PCDH9: variants seen among roughly 807,000 people sequenced by gnomAD.
PCDH9 encodes protocadherin-9.
Under a neutral mutation model 70.6 loss-of-function variants are expected in PCDH9, and 24 were observed. The observed-to-expected ratio is 0.34, with a 90% confidence interval of 0.25 to 0.48. PCDH9 has a LOEUF of 0.48. Ranked by LOEUF, PCDH9 falls within the 20% of genes least tolerant of loss-of-function variation. The pLI, the probability that PCDH9 is intolerant of heterozygous loss-of-function variation, is 0.99. For missense variants in PCDH9, 1,281 were observed against 1,503.6 expected (o/e 0.85, Z 2.45); for synonymous variants, 562 against 558.5 (o/e 1.01, Z -0.09).
At chr13:66,352,129 C>T (rs1956302851) in intron 4 of PCDH9, among the ~76,000 whole-genome samples, 1 of 152,200 alleles carries the variant, frequency 6.6e-6, no homozygotes, top group Non-Finnish European at 1.5e-5. Flanking sequence ...AGCCACCGTG[C>T]CCGGCCTACA....
chr13:66,731,177 A>C (rs1196144215), intron 3 of PCDH9, among the ~76,000 whole-genome samples: 1 of 152,032 alleles, frequency 6.6e-6, no homozygotes, highest in Admixed American at 6.6e-5. Context: ...AAATGATGAC[A>C]ATCAGAGGCA....
chr13:66,935,075 T>A (rs2082893639), intron 2 of PCDH9, among the ~76,000 whole-genome samples: 2 of 151,930 alleles, frequency 1.3e-5, no homozygotes, highest in South Asian at 4.2e-4. Flanking sequence ...ATTATTAATA[T>A]TTTTTGGAGA....
chr13:67,147,266 G>A (rs1400296464), intron 2 of PCDH9, among the ~76,000 whole-genome samples: 1 of 152,096 alleles, frequency 6.6e-6, no homozygotes, highest in Non-Finnish European at 1.5e-5. Context: ...TTTTTCAAAT[G>A]AGAGATAATT....
chr13:66,361,183 T>A (rs975850934), intron 4 of PCDH9, among the ~76,000 whole-genome samples: 1 of 152,106 alleles, frequency 6.6e-6, no homozygotes, highest in Non-Finnish European at 1.5e-5. Context: ...ACTTTACTCA[T>A]CCAACAGGAA....
intron 2 of PCDH9, among the ~76,000 whole-genome samples, chr13:67,071,014 C>T (rs942949568): frequency 3.9e-5 from 6 of 152,048 alleles, no homozygotes; most frequent in African/African-American, 1.4e-4. Flanking sequence ...ATAATCTGAA[C>T]ACTCAGATTT....
intron 2 of PCDH9, among the ~76,000 whole-genome samples, chr13:67,055,347 A>AT (rs1166093044): frequency 3.9e-5 from 6 of 152,196 alleles, no homozygotes; most frequent in African/African-American, 1.4e-4. Flanking sequence ...AGTTGTTAAG[A>AT]TTTTAAGATA....
At chr13:67,194,893 G>A (rs1270418668) in intron 2 of PCDH9, among the ~76,000 whole-genome samples, 2 of 152,070 alleles carry the variant, frequency 1.3e-5, no homozygotes, top group Non-Finnish European at 1.5e-5. Flanking sequence ...AAATAACAAA[G>A]AGACATCATC....
At chr13:66,965,841 G>A (rs1481238387) in intron 2 of PCDH9, among the ~76,000 whole-genome samples, 1 of 151,826 alleles carries the variant, frequency 6.6e-6, no homozygotes, top group East Asian at 1.9e-4. Flanking sequence ...GACAAAATAT[G>A]TGAAAGTGAT....
intron 4 of PCDH9, among the ~76,000 whole-genome samples, chr13:66,493,749 T>G (rs568856078): frequency 3.8e-4 from 58 of 152,284 alleles, no homozygotes; most frequent in African/African-American, 1.3e-3. Flanking sequence ...TAATCAAAGT[T>G]TGAAGGATTA....
intron 4 of PCDH9, among the ~76,000 whole-genome samples, chr13:66,340,104 A>G (rs1956101564): frequency 6.6e-6 from 1 of 152,176 alleles, no homozygotes; most frequent in Non-Finnish European, 1.5e-5. Flanking sequence ...CAGAGTAATT[A>G]CATATTTCTA....
chr13:66,660,913 T>C (rs866734921), intron 3 of PCDH9, among the ~76,000 whole-genome samples: 30 of 152,198 alleles, frequency 2.0e-4, no homozygotes, highest in South Asian at 8.3e-4. Context: ...TGGAAATCCA[T>C]CTAGAAACTT....
chr13:66,763,403 T>A (rs2079659197), intron 3 of PCDH9, among the ~76,000 whole-genome samples: 1 of 151,896 alleles, frequency 6.6e-6, no homozygotes, highest in African/African-American at 2.4e-5. Context: ...ATAAGGGATA[T>A]AAGAATGAGG....
At chr13:66,603,391 G>A (rs2077185555) in intron 4 of PCDH9, among the ~76,000 whole-genome samples, 1 of 151,868 alleles carries the variant, frequency 6.6e-6, no homozygotes. Flanking sequence ...GATACATTTA[G>A]CATCATCTTT....
At chr13:66,381,958 G>T (rs1196761554) in intron 4 of PCDH9, among the ~76,000 whole-genome samples, 1 of 151,752 alleles carries the variant, frequency 6.6e-6, no homozygotes, top group Admixed American at 6.6e-5. Context: ...TGTGATAAGG[G>T]ATGTGTAAGA....
At position 67,075,089 on chromosome 13, in the gene PCDH9, T is replaced by G. The variant is rs556769574; in HGVS notation, c.3036+150316A>C. ...AGTGTGATAGTGACAAAAAAAAAAA[T>G]GCAACTTCTTCTTTAAAATAAAATG... On this transcript the variant is annotated intron_variant, in intron 2 of 4. Coordinates refer to ENST00000377865, the MANE Select transcript of PCDH9 (RefSeq NM_203487.3). Among the ~76,000 whole-genome samples the G allele has an allele frequency of 2.0e-5, 3 of 150,722 alleles. No individual in the cohort carries two copies. The South Asian group carries it at 6.3e-4, about 32-fold the overall frequency.
chr13:66,393,108 C>T (rs1957046603), intron 4 of PCDH9, among the ~76,000 whole-genome samples: 1 of 152,114 alleles, frequency 6.6e-6, no homozygotes, highest in African/African-American at 2.4e-5. Flanking sequence ...CTAGACTTCA[C>T]TGTTCTAAGT....
At chr13:66,993,929 C>T (rs989289059) in intron 2 of PCDH9, among the ~76,000 whole-genome samples, 5 of 151,568 alleles carry the variant, frequency 3.3e-5, no homozygotes, top group African/African-American at 1.2e-4. Flanking sequence ...ACAGAGAGCC[C>T]GTTAGTTGTT....
At chr13:66,902,267 A>G (rs1363775854) in intron 3 of PCDH9, among the ~76,000 whole-genome samples, 1 of 151,708 alleles carries the variant, frequency 6.6e-6, no homozygotes, top group Non-Finnish European at 1.5e-5. Context: ...CCACACAAAG[A>G]AAAAGAAATA....
chr13:66,773,073 G>A (rs746424114), intron 3 of PCDH9, among the ~76,000 whole-genome samples: 34 of 152,188 alleles, frequency 2.2e-4, no homozygotes, highest in Non-Finnish European at 2.1e-4. Context: ...ATAATATGAT[G>A]TATCCATTCA....
Sources: allele counts gnomAD v4.1 joint callset (sites outside exome capture counted in the v4.1 genomes callset), GRCh38; gene constraint gnomAD v4.1.1; transcripts MANE v1.5; gene names NCBI Gene and HGNC (gene_info 2026-07-23, HGNC 2026-07-21).